The following THRB variants were observed in gnomAD, a reference collection of about 807,000 sequenced individuals.
THRB encodes the protein thyroid hormone receptor beta.
Under a neutral mutation model 47.8 loss-of-function variants are expected in THRB, and 12 were observed. The observed-to-expected ratio is 0.25, with a 90% CI of 0.16 to 0.41. The LOEUF is 0.41. Among genes scored for constraint, THRB ranks in the 10% least tolerant of loss-of-function variants. The pLI is 1.00. For synonymous variants in THRB, 218 were observed against 212.2 expected, an observed-to-expected ratio of 1.03 and a Z score of -0.24; for missense variants, 348 against 589.2, an observed-to-expected ratio of 0.59 and a Z score of 4.24.
At chr3:24,169,930 T>C (rs2040207421) in intron 5 of THRB, among the ~76,000 whole-genome samples, 1 of 145,856 alleles carries the variant, frequency 6.9e-6, no homozygotes, top group African/African-American at 2.5e-5. Flanking sequence ...TGAAAATATT[T>C]ACCACCTGGT....
chr3:24,302,344 G>T (rs2149107575), intron 2 of THRB, among the ~76,000 whole-genome samples: 1 of 152,204 alleles, frequency 6.6e-6, no homozygotes, highest in East Asian at 1.9e-4. Flanking sequence ...TTTTTAAATA[G>T]TTTCCCTGGG....
At chr3:24,211,013 A>T (rs2045967904) in intron 4 of THRB, among the ~76,000 whole-genome samples, 1 of 152,106 alleles carries the variant, frequency 6.6e-6, no homozygotes, top group African/African-American at 2.4e-5. Context: ...AGCCTGGCCA[A>T]TATAGTGAAA....
chr3:24,196,418 T>C, intron 4 of THRB, among the ~76,000 whole-genome samples: 1 of 152,220 alleles, frequency 6.6e-6, no homozygotes, highest in East Asian at 1.9e-4. Flanking sequence ...GAATATACTA[T>C]TGTTTTGATG....
At chr3:24,464,927 T>A (rs1378676802) in intron 1 of THRB, among the ~76,000 whole-genome samples, 1 of 152,208 alleles carries the variant, frequency 6.6e-6, no homozygotes, top group Non-Finnish European at 1.5e-5. Context: ...TGTATTTTTT[T>A]AACAAATACC....
At chr3:24,263,122 GC>G (rs2052253193) in intron 3 of THRB, among the ~76,000 whole-genome samples, 1 of 152,050 alleles carries the variant, frequency 6.6e-6, no homozygotes, top group Non-Finnish European at 1.5e-5. Context: ...GCTTTTTTAT[GC>G]CTTTCAGTCA....
chr3:24,204,070 T>C (rs1464551584), intron 4 of THRB, among the ~76,000 whole-genome samples: 2 of 152,240 alleles, frequency 1.3e-5, no homozygotes, highest in African/African-American at 4.8e-5. Context: ...CTGTAGACTC[T>C]ACCTCTGGGG....
chr3:24,313,796 A>T (rs1433154395), intron 2 of THRB, among the ~76,000 whole-genome samples: 1 of 152,030 alleles, frequency 6.6e-6, no homozygotes, highest in Non-Finnish European at 1.5e-5. Flanking sequence ...CTTTTTTTAA[A>T]AAAAAAAACA....
chr3:24,181,770 C>A (rs1575648790), intron 5 of THRB, among the ~76,000 whole-genome samples: 1 of 152,200 alleles, frequency 6.6e-6, no homozygotes, highest in Admixed American at 6.5e-5. Context: ...TTACCCTGTT[C>A]ATGGCCTCCT....
chr3:24,379,630 T>C (rs997909871), intron 1 of THRB, among the ~76,000 whole-genome samples: 7 of 151,902 alleles, frequency 4.6e-5, no homozygotes, highest in Admixed American at 1.3e-4. Flanking sequence ...GAAAGGTGAC[T>C]CGGCAAGTAG....
At chr3:24,172,942 T>A (rs2040619837) in intron 5 of THRB, among the ~76,000 whole-genome samples, 1 of 152,170 alleles carries the variant, frequency 6.6e-6, no homozygotes, top group African/African-American at 2.4e-5. Context: ...TTTTACTAGA[T>A]GAAATATGTC....
intron 3 of THRB, among the ~76,000 whole-genome samples, chr3:24,274,095 C>A (rs748945811): frequency 1.3e-5 from 2 of 152,008 alleles, no homozygotes; most frequent in Admixed American, 1.3e-4. Flanking sequence ...GAAACTCAGG[C>A]GATACTGACC....
intron 5 of THRB, among the ~76,000 whole-genome samples, chr3:24,156,698 C>T (rs559988263): frequency 1.3e-4 from 20 of 152,212 alleles, no homozygotes; most frequent in East Asian, 1.2e-3. Flanking sequence ...GATCTTGGGA[C>T]GGGATAGAGG....
At chr3:24,284,240 T>C (rs1195954848) in intron 3 of THRB, among the ~76,000 whole-genome samples, 3 of 151,358 alleles carry the variant, frequency 2.0e-5, no homozygotes, top group Non-Finnish European at 2.9e-5. Context: ...GAGATATAGA[T>C]CAACGGAACA....
intron 1 of THRB, among the ~76,000 whole-genome samples, chr3:24,357,813 T>C (rs1000386559): frequency 6.6e-6 from 1 of 152,154 alleles, no homozygotes; most frequent in Non-Finnish European, 1.5e-5. Context: ...ACTGGTGGAA[T>C]GTATGTATTT....
intron 5 of THRB, among the ~76,000 whole-genome samples, chr3:24,173,235 G>A (rs1056081391): frequency 4.6e-5 from 7 of 152,144 alleles, no homozygotes; most frequent in African/African-American, 1.7e-4. Flanking sequence ...GCTCTAGCTA[G>A]TCTGTGTCAA....
chr3:24,236,919 G>T (rs2048933153), intron 3 of THRB, among the ~76,000 whole-genome samples: 1 of 152,130 alleles, frequency 6.6e-6, no homozygotes, highest in African/African-American at 2.4e-5. Flanking sequence ...AATCAGTTAA[G>T]AACTCAAATA....
intron 1 of THRB, among the ~76,000 whole-genome samples, chr3:24,448,411 T>G (rs2125495996): frequency 6.6e-6 from 1 of 152,302 alleles, no homozygotes; most frequent in South Asian, 2.1e-4. Context: ...CAGAATGAAA[T>G]GTACAATGTT....
chr3:24,319,521 T>C (rs1311401481), intron 2 of THRB, among the ~76,000 whole-genome samples: 1 of 152,186 alleles, frequency 6.6e-6, no homozygotes. Context: ...GATAAAAACA[T>C]TTATCAACGG....
intron 4 of THRB, among the ~76,000 whole-genome samples, chr3:24,207,773 T>G (rs915146513): frequency 6.6e-6 from 1 of 152,228 alleles, no homozygotes; most frequent in Non-Finnish European, 1.5e-5. Flanking sequence ...GCATTCCCTT[T>G]GAAAACTGGC....
Sources: allele counts gnomAD v4.1 joint callset (sites outside exome capture counted in the v4.1 genomes callset), GRCh38; gene constraint gnomAD v4.1.1; transcripts MANE v1.5; gene names NCBI Gene and HGNC (gene_info 2026-07-23, HGNC 2026-07-21).